Variants in FBXO48 observed in about 807,000 individuals in gnomAD.
FBXO48 encodes the protein F-box only protein 48.
A neutral mutation model predicts 14.3 loss-of-function variants in FBXO48; 12 were observed. The observed-to-expected ratio is 0.84, with a 90% confidence interval of 0.54 to 1.36. The LOEUF is 1.36. Ranked by LOEUF, FBXO48 falls within the 40% of genes most tolerant of loss-of-function variation. The pLI, the probability that FBXO48 is intolerant of heterozygous loss-of-function variation, is 0.00. For missense variants in FBXO48, 177 were observed against 179.1 expected, an observed-to-expected ratio of 0.99 and a Z score of 0.07; for synonymous variants, 53 against 61.7, an observed-to-expected ratio of 0.86 and a Z score of 0.66.
In FBXO48 at chr2:68,459,910, T is replaced by C. The variant is rs1675225320; in HGVS notation, c.*4299A>G. 1 of 152,160 alleles carries C rather than the reference T, an allele frequency of 6.6e-6. No individual in the cohort carries two copies. The highest frequency in any genetic ancestry group is 2.1e-4 in the South Asian group (1 of 4,826). 9.4% of individuals were successfully genotyped at this position (152,160 alleles called of 1,614,324 possible). A position where few individuals can be genotyped will look rare whatever the true frequency, so the allele number is the denominator to read the frequency against. On this transcript the variant is annotated 3_prime_UTR_variant, in exon 4 of 4. Coordinates refer to ENST00000377957, the MANE Select transcript of FBXO48 (RefSeq NM_001024680.3). ...ATGGATTGTTTCCAGGCCAAGATGA[T>C]AAGTTTTACAATAGATTTTTGCCAA...
chr2:68,464,398 A>G (rs1451758855), intron 3 of FBXO48, 28 bp from the exon 4 acceptor site: 4 of 1,608,282 alleles, frequency 2.5e-6, no homozygotes, highest in Non-Finnish European at 3.4e-6. Flanking sequence ...CCGTTAAAAA[A>G]GACTGTAGTA....
At chr2:68,464,787 C>A (rs1037424906) in intron 3 of FBXO48, 53 bp downstream of exon 3, 1 of 1,370,746 alleles carries the variant, frequency 7.3e-7, no homozygotes, top group Admixed American at 1.8e-5. Flanking sequence ...TTGGCGCAAA[C>A]CTGCTATCAT....
rs909489737 is a variant in FBXO48, at chr2:68,461,397, C to G, written c.*2812G>C. The G allele has an allele frequency of 1.3e-5, 2 of 148,348 alleles. No homozygotes were observed. The highest frequency in any genetic ancestry group is 1.3e-4 in the Admixed American group (2 of 15,040). 9.2% of individuals were successfully genotyped at this position (148,348 alleles called of 1,614,324 possible). On this transcript the variant is annotated 3_prime_UTR_variant, in exon 4 of 4. Transcript: ENST00000377957. ...CTGCAAGCTCCGCCTCCCGGGTTCA[C>G]GCCATTCTCCTGCCTCAGCCTCCCG...
intron 2 of FBXO48, among the ~76,000 whole-genome samples, chr2:68,465,817 C>A (rs1409022995): frequency 6.6e-6 from 1 of 152,136 alleles, no homozygotes; most frequent in Non-Finnish European, 1.5e-5. Flanking sequence ...TGCTGGACTT[C>A]TAGTTGTTTA....
rs1167414970 is a variant in FBXO48 at position 68,463,319 on chromosome 2, C to T, written c.*890G>A. 1 of 151,664 alleles carries T rather than the reference C, an allele frequency of 6.6e-6. No individual in the cohort carries two copies. Among genetic ancestry groups the T allele is most frequent in the African/African-American group, 2.4e-5 (1 of 41,290 alleles). 9.4% of individuals were successfully genotyped at this position (151,664 alleles called of 1,614,324 possible). On this transcript the variant is annotated 3_prime_UTR_variant, in exon 4 of 4. Coordinates refer to ENST00000377957, the MANE Select transcript of FBXO48 (RefSeq NM_001024680.3). ...ATCTGTTTTTATGAAAAAAGAGAAA[C>T]AAAAGTTTTTAAAAGTTAAAATAAA...
chr2:68,464,488 TAC>T (rs1675346516), intron 3 of FBXO48, 118 bp from the exon 4 acceptor site: 1 of 797,230 alleles, frequency 1.3e-6, no homozygotes, highest in Non-Finnish European at 2.0e-6. Flanking sequence ...CATTTATATA[TAC>T]GTACATTAAT....
At position 68,460,584 on chromosome 2, in the gene FBXO48, AG is replaced by A. The variant is rs1354714312; in HGVS notation, c.*3624del. ...TACTATCTTTGGATAAAAATCCAAA[AG>A]ATAATAGCATATGTATTTCTGGAAC... On this transcript the variant is annotated 3_prime_UTR_variant, in exon 4 of 4. Transcript: ENST00000377957. 6.6e-6 allele frequency: 1 copy of A among 151,638 alleles called. No individual in the cohort carries two copies. Among genetic ancestry groups the A allele is most frequent in the Non-Finnish European group, 1.5e-5 (1 of 67,908 alleles). The allele number at this position is 151,638 out of a possible 1,614,324, so 9.4% of individuals were successfully genotyped here.
rs1675224013 is a variant in FBXO48, at chr2:68,459,807, AT to A, written c.*4401del. The A allele has an allele frequency of 6.6e-6, 1 of 152,214 alleles. No homozygotes were observed. The highest frequency in any genetic ancestry group is 2.4e-5 in the African/African-American group (1 of 41,452). The allele number at this position is 152,214 out of a possible 1,614,324, so 9.4% of individuals were successfully genotyped here. A position where few individuals can be genotyped will look rare whatever the true frequency, so the allele number is the denominator to read the frequency against. On this transcript the variant is annotated 3_prime_UTR_variant, in exon 4 of 4. Transcript: ENST00000377957. ...AATAAAATAGACAATTTAATGTCAT[AT>A]GACAGTTTTGAGAGAGGTCTATACA...
chr2:68,464,754 A>C (rs1675354881), intron 3 of FBXO48, 86 bp downstream of exon 3: 2 of 956,802 alleles, frequency 2.1e-6, no homozygotes, highest in Admixed American at 4.2e-5. Flanking sequence ...TGTAATTCTG[A>C]CTCCTCCAAG....
rs1675322023 is a variant in FBXO48, at chr2:68,463,632, T to C, written c.*577A>G. The C allele has an allele frequency of 6.6e-6, 1 of 152,224 alleles. No homozygotes were observed. The highest frequency in any genetic ancestry group is 2.4e-5 in the African/African-American group (1 of 41,438). The allele number at this position is 152,224 out of a possible 1,614,324, so 9.4% of individuals were successfully genotyped here. A position where few individuals can be genotyped will look rare whatever the true frequency, so the allele number is the denominator to read the frequency against. ...ATGGGAATCTCAATTGGACAAACTTTAGCCCTGAGATGACATTAACTTAAA... is the reference window on the plus strand; with the variant it reads ...ATGGGAATCTCAATTGGACAAACTTCAGCCCTGAGATGACATTAACTTAAA... On this transcript the variant is annotated 3_prime_UTR_variant, in exon 4 of 4. Transcript: ENST00000377957.
rs1379686144 is a variant in FBXO48 at position 68,463,417 on chromosome 2, A to G, written c.*792T>C. ...CTTTAGAATAACAGTTTTCTTTTTA[A>G]TATGGAGAAAACAAAAAGGAGCTGA... On this transcript the variant is annotated 3_prime_UTR_variant, in exon 4 of 4. Transcript: ENST00000377957. 6.6e-6 allele frequency: 1 copy of G among 152,086 alleles called. No individual in the cohort carries two copies. Among genetic ancestry groups the G allele is most frequent in the Non-Finnish European group, 1.5e-5 (1 of 68,014 alleles). 9.4% of individuals were successfully genotyped at this position (152,086 alleles called of 1,614,324 possible).
rs1349812843 is a variant in FBXO48 at position 68,464,238 on chromosome 2, C to T, written c.439G>A (p.Glu147Lys). The T allele has an allele frequency of 1.9e-6, 3 of 1,613,430 alleles. No homozygotes were observed. The highest frequency in any genetic ancestry group is 1.7e-5 in the Admixed American group (1 of 60,006). ...CTTTCCAGTTCTGCTTCTAGAATTT[C>T]CCCCCATGTATCTGCATCCATTGGG... ...MYPMDADTWGEILEAELER is the reference protein window; with the variant it reads ...MYPMDADTWGKILEAELER Residue 147 changes from glutamate to lysine, a missense_variant, in exon 4 of 4, where the codon GAA becomes AAA. Glu to Lys is a moderately conservative substitution (Grantham distance 56). Coordinates refer to ENST00000377957, the MANE Select transcript of FBXO48 (RefSeq NM_001024680.3).
At chr2:68,466,039 T>A (rs1214066763) in intron 2 of FBXO48, 105 bp downstream of exon 2, 1 of 152,180 alleles carries the variant, frequency 6.6e-6, no homozygotes, top group East Asian at 1.9e-4. Context: ...ACTGAAGACA[T>A]CAAGCAACAG....
chr2:68,464,412 G>T, intron 3 of FBXO48, 42 bp from the exon 4 acceptor site: 2 of 1,589,812 alleles, frequency 1.3e-6, no homozygotes, highest in South Asian at 1.1e-5. Flanking sequence ...TGTAGTAGGT[G>T]GTTGGTTAGT....
In FBXO48 at chr2:68,464,134, A is replaced by T. The variant is rs946803228; in HGVS notation, c.*75T>A. ...TGAACAACAAAATGAACGAATAAAG[A>T]TATCGCTTTTGCAACCTAAGAGTCA... On this transcript the variant is annotated 3_prime_UTR_variant, in exon 4 of 4. Coordinates refer to ENST00000377957, the MANE Select transcript of FBXO48 (RefSeq NM_001024680.3). 8.1e-7 allele frequency: 1 copy of T among 1,232,246 alleles called. No individual in the cohort carries two copies. Among genetic ancestry groups the T allele is most frequent in the South Asian group, 1.4e-5 (1 of 70,150 alleles). The allele number at this position is 1,232,246 out of a possible 1,614,324, so 76.3% of individuals were successfully genotyped here.
Position 68,462,314 on chromosome 2 carries a change from T to C in FBXO48, c.*1895A>G, listed in dbSNP as rs1244926623. ...TTCCCATACTTTGAAAATTTCCAAG[T>C]GCTTTCTTATCTTTTATGAAATAAA... is the stretch of plus-strand genomic sequence containing the variant. On this transcript the variant is annotated 3_prime_UTR_variant, in exon 4 of 4. Transcript: ENST00000377957. The C allele has an allele frequency of 2.6e-5, 4 of 152,216 alleles. No homozygotes were observed. Among genetic ancestry groups the C allele is most frequent in the Admixed American group, 2.6e-4 (4 of 15,282 alleles). 9.4% of individuals were successfully genotyped at this position (152,216 alleles called of 1,614,324 possible). A position where few individuals can be genotyped will look rare whatever the true frequency, so the allele number is the denominator to read the frequency against.
At position 68,462,185 on chromosome 2, in the gene FBXO48, A is replaced by G. The variant is rs1378262754; in HGVS notation, c.*2024T>C. 1 of 152,204 alleles carries G rather than the reference A, an allele frequency of 6.6e-6. No individual in the cohort carries two copies. Among genetic ancestry groups the G allele is most frequent in the Admixed American group, 6.6e-5 (1 of 15,258 alleles). 9.4% of individuals were successfully genotyped at this position (152,204 alleles called of 1,614,324 possible). On this transcript the variant is annotated 3_prime_UTR_variant, in exon 4 of 4. Coordinates refer to ENST00000377957, the MANE Select transcript of FBXO48 (RefSeq NM_001024680.3). ...TGATGATAGATTGTAAGGGGGCTGGACAAAAATAATAAACATCCATTACAA... is the reference window on the plus strand; with the variant it reads ...TGATGATAGATTGTAAGGGGGCTGGGCAAAAATAATAAACATCCATTACAA...
Position 68,464,048 on chromosome 2 carries a change from T to C in FBXO48, c.*161A>G. 1.6e-6 allele frequency: 1 copy of C among 643,568 alleles called. No homozygotes were observed. Among genetic ancestry groups the C allele is most frequent in the Non-Finnish European group, 2.5e-6 (1 of 397,186 alleles). The allele number at this position is 643,568 out of a possible 1,614,324, so 39.9% of individuals were successfully genotyped here. On this transcript the variant is annotated 3_prime_UTR_variant, in exon 4 of 4. Coordinates refer to ENST00000377957, the MANE Select transcript of FBXO48 (RefSeq NM_001024680.3). The stretch of plus-strand genomic sequence containing the variant: ...TAAAACCAGAAAAATTTTACTAAAG[T>C]GCAAAACAAAAATAAAGCTTTACTT...
chr2:68,465,307 C>G, intron 2 of FBXO48, 129 bp from the exon 3 acceptor site: 1 of 603,046 alleles, frequency 1.7e-6, no homozygotes, highest in South Asian at 2.1e-5. Context: ...TAAAATGGGC[C>G]AATGCTGCCG....
Sources: allele counts gnomAD v4.1 joint callset (sites outside exome capture counted in the v4.1 genomes callset), GRCh38; gene constraint gnomAD v4.1.1; transcripts MANE v1.5; gene names NCBI Gene and HGNC (gene_info 2026-07-23, HGNC 2026-07-21).